The following GABRG3 variants were observed in gnomAD, a reference collection of about 807,000 sequenced individuals.
The protein encoded by GABRG3 is gamma-aminobutyric acid receptor subunit gamma-3.
A neutral mutation model predicts 48.8 loss-of-function variants in GABRG3; 25 were observed. That is an observed-to-expected ratio of 0.51 (90% CI 0.37 to 0.72). The LOEUF is 0.72. Ranked by LOEUF, GABRG3 falls within the 30% of genes least tolerant of loss-of-function variation. The pLI is 0.00. For missense variants in GABRG3, 394 were observed against 577.9 expected, an observed-to-expected ratio of 0.68 and a Z score of 3.26; for synonymous variants, 227 against 217.6, an observed-to-expected ratio of 1.04 and a Z score of -0.38.
intron 3 of GABRG3, chr15:27,160,947 A>G (rs1440195976): frequency 1.4e-5 from 2 of 147,486 alleles, no homozygotes; most frequent in Non-Finnish European, 3.0e-5. Context: ...TTTTTTTTCT[A>G]TTGTTGCCTG....
In GABRG3 at chr15:27,008,102, T is replaced by C. The variant is rs189002340; in HGVS notation, c.203-18652T>C. On this transcript the variant is annotated intron_variant, in intron 2 of 9. Coordinates refer to ENST00000615808, the MANE Select transcript of GABRG3 (RefSeq NM_033223.5). ...GTATTGAATTGAAATTAGCCTTAAGTGTTCCCAGCATATGGGCCTTTTAAA... is the reference window on the plus strand; with the variant it reads ...GTATTGAATTGAAATTAGCCTTAAGCGTTCCCAGCATATGGGCCTTTTAAA... Among the ~76,000 whole-genome samples, 104 of 152,330 alleles carry C rather than the reference T, an allele frequency of 6.8e-4. 1 individual carries two copies. The highest frequency in any genetic ancestry group is 2.5e-3 in the African/African-American group (102 of 41,578).
At chr15:27,018,231 A>G (rs1425049665) in intron 2 of GABRG3, among the ~76,000 whole-genome samples, 4 of 152,210 alleles carry the variant, frequency 2.6e-5, no homozygotes, top group Admixed American at 2.0e-4. Context: ...TAACATTACT[A>G]GACTTGGCAG....
At chr15:27,165,558 CCTT>C (rs1887344155) in intron 3 of GABRG3, among the ~76,000 whole-genome samples, 1 of 152,080 alleles carries the variant, frequency 6.6e-6, no homozygotes, top group Non-Finnish European at 1.5e-5. Context: ...ATCCTGAGCT[CCTT>C]CTGCCTTTCC....
intron 3 of GABRG3, among the ~76,000 whole-genome samples, chr15:27,137,758 T>A (rs1413930094): frequency 3.9e-5 from 6 of 152,212 alleles, no homozygotes; most frequent in Admixed American, 2.0e-4. Context: ...GGTTTTTCGT[T>A]TCATAAAGCG....
intron 3 of GABRG3, among the ~76,000 whole-genome samples, chr15:27,082,233 T>C (rs1897003811): frequency 6.6e-6 from 1 of 152,078 alleles, no homozygotes; most frequent in East Asian, 1.9e-4. Context: ...AAAAACACTG[T>C]GGAAAAATAA....
chr15:27,045,702 C>T (rs1390583413), intron 3 of GABRG3, among the ~76,000 whole-genome samples: 8 of 152,128 alleles, frequency 5.3e-5, no homozygotes, highest in East Asian at 3.9e-4. Flanking sequence ...TTTCAATGTG[C>T]GCCAGTTTGC....
chr15:27,084,710 G>C (rs751769552), intron 3 of GABRG3, among the ~76,000 whole-genome samples: 1 of 152,212 alleles, frequency 6.6e-6, no homozygotes, highest in Non-Finnish European at 1.5e-5. Context: ...TAGGAAAACC[G>C]TCCTCAGCCA....
At chr15:27,120,442 C>T (rs1249542259) in intron 3 of GABRG3, among the ~76,000 whole-genome samples, 1 of 152,146 alleles carries the variant, frequency 6.6e-6, no homozygotes, top group African/African-American at 2.4e-5. Flanking sequence ...TACTTCTTTC[C>T]TTAGGGATGC....
intron 5 of GABRG3, among the ~76,000 whole-genome samples, chr15:27,444,683 C>T (rs903563744): frequency 6.6e-6 from 1 of 152,092 alleles, no homozygotes; most frequent in African/African-American, 2.4e-5. Flanking sequence ...TTTTAATTTG[C>T]TCCACTTTGC....
intron 1 of GABRG3, among the ~76,000 whole-genome samples, chr15:26,973,526 A>C (rs1284861456): frequency 6.6e-6 from 1 of 152,114 alleles, no homozygotes; most frequent in African/African-American, 2.4e-5. Flanking sequence ...TTAAATTTGG[A>C]GGGGTTTCTC....
intron 3 of GABRG3, among the ~76,000 whole-genome samples, chr15:27,035,927 G>T (rs1194201954): frequency 6.6e-6 from 1 of 152,238 alleles, no homozygotes; most frequent in Admixed American, 6.5e-5. Flanking sequence ...GGCTGCAGAA[G>T]AGGCTGTGGA....
chr15:27,392,943 C>A (rs1887180780), intron 5 of GABRG3, among the ~76,000 whole-genome samples: 1 of 152,156 alleles, frequency 6.6e-6, no homozygotes, highest in Non-Finnish European at 1.5e-5. Context: ...TTCTTTCTTA[C>A]ATTCTGGCAT....
At chr15:27,423,684 TAC>T (rs1888200270) in intron 5 of GABRG3, among the ~76,000 whole-genome samples, 1 of 148,938 alleles carries the variant, frequency 6.7e-6, no homozygotes, top group Non-Finnish European at 1.5e-5. Flanking sequence ...TAGCTGGGAC[TAC>T]AGTCTTGCAC....
chr15:27,290,636 T>G (rs937446803), intron 3 of GABRG3, among the ~76,000 whole-genome samples: 92 of 152,184 alleles, frequency 6.0e-4, no homozygotes, highest in African/African-American at 2.2e-3. Context: ...TCTACAAAAG[T>G]CCTGACTAGT....
intron 5 of GABRG3, among the ~76,000 whole-genome samples, chr15:27,458,847 C>T (rs917798822): frequency 3.9e-5 from 6 of 152,216 alleles, no homozygotes; most frequent in Admixed American, 3.3e-4. Context: ...TAGATGAGCT[C>T]GGGCTCCTGT....
intron 5 of GABRG3, among the ~76,000 whole-genome samples, chr15:27,401,625 TGTAA>T (rs1413898422): frequency 2.0e-5 from 3 of 152,162 alleles, no homozygotes; most frequent in Non-Finnish European, 4.4e-5. Flanking sequence ...CATGTCTCCT[TGTAA>T]GTAACACCAG....
chr15:27,356,437 G>C (rs986484733), intron 5 of GABRG3, among the ~76,000 whole-genome samples: 3 of 152,162 alleles, frequency 2.0e-5, no homozygotes, highest in African/African-American at 7.2e-5. Context: ...CTATATGGCA[G>C]GATATCAGAA....
intron 3 of GABRG3, among the ~76,000 whole-genome samples, chr15:27,256,504 G>A (rs1364207746): frequency 6.7e-6 from 1 of 148,212 alleles, no homozygotes; most frequent in Non-Finnish European, 1.5e-5. Flanking sequence ...AGGGGGGGCG[G>A]GGAGAAGAGA....
intron 3 of GABRG3, among the ~76,000 whole-genome samples, chr15:27,211,534 A>G (rs779176976): frequency 6.6e-6 from 1 of 152,222 alleles, no homozygotes; most frequent in Admixed American, 6.5e-5. Flanking sequence ...TTTGAGGACT[A>G]TTGCTCTGCA....
Sources: gnomAD v4.1 joint callset for allele counts (sites outside exome capture counted in the v4.1 genomes callset) on GRCh38, gnomAD v4.1.1 for gene constraint, MANE v1.5 for transcripts, NCBI Gene and HGNC (gene_info 2026-07-23, HGNC 2026-07-21) for gene names.